The following DFFB variants were observed in gnomAD, a reference collection of about 807,000 sequenced individuals.
DFFB encodes the protein DNA fragmentation factor 40 kDa subunit.
DFFB carries 29 observed loss-of-function variants against 32.7 expected under a neutral mutation model. The ratio of observed to expected loss-of-function variants is 0.89; its 90% CI spans 0.66 to 1.21. The LOEUF (loss-of-function observed/expected upper bound fraction) is 1.21. Among genes scored for constraint, DFFB ranks in the 50% most tolerant of loss-of-function variants. The probability of loss-of-function intolerance (pLI) is 0.00; values close to 1 mark genes in which losing one functional copy is unlikely to be tolerated. For missense variants in DFFB, 398 were observed against 440.6 expected, an observed-to-expected ratio of 0.90 and a Z score of 0.87; for synonymous variants, 170 against 177.1, an observed-to-expected ratio of 0.96 and a Z score of 0.32.
intron 6 of DFFB, among the ~76,000 whole-genome samples, chr1:3,875,522 G>A (rs1335140577): frequency 2.0e-5 from 3 of 152,090 alleles, no homozygotes; most frequent in African/African-American, 4.8e-5. Flanking sequence ...ATGCTTTCCC[G>A]GGTTCTTGCT....
intron 6 of DFFB, chr1:3,872,905 G>C (rs1645149034): frequency 8.2e-7 from 1 of 1,215,074 alleles, no homozygotes; most frequent in Non-Finnish European, 1.0e-6. Flanking sequence ...GCCCTTGGCT[G>C]TCAGAGGTTC....
rs187628143 is a variant in DFFB at position 3,867,723 on chromosome 1, C to T, written c.431-251C>T. 1.9e-3 allele frequency: 858 copies of T among 448,370 alleles called. 4 individuals carry two copies. The highest frequency in any genetic ancestry group is 3.0e-3 in the Non-Finnish European group (730 of 244,518). 27.8% of individuals were successfully genotyped at this position (448,370 alleles called of 1,614,324 possible). A position where few individuals can be genotyped will look rare whatever the true frequency, so the allele number is the denominator to read the frequency against. Reference sequence around the variant, plus strand: ...AAAAAGTGAGCCAGGTGTGGTAGTGCGTCCCTGTAGTCTTAGCCACTTGGA... The same window carrying T: ...AAAAAGTGAGCCAGGTGTGGTAGTGTGTCCCTGTAGTCTTAGCCACTTGGA... On this transcript the variant is annotated intron_variant, in intron 3 of 6. Transcript: ENST00000378209.
chr1:3,878,922 G>A (rs1193529757), intron 6 of DFFB, among the ~76,000 whole-genome samples: 1 of 152,188 alleles, frequency 6.6e-6, no homozygotes, highest in Non-Finnish European at 1.5e-5. Context: ...GAGTGGCTGT[G>A]AGGGGTAAAC....
intron 4 of DFFB, 34 bp from the exon 5 acceptor site, chr1:3,869,571 C>T (rs1020436603): frequency 5.0e-6 from 8 of 1,590,098 alleles, no homozygotes; most frequent in Admixed American, 1.8e-5. Flanking sequence ...GGGCGCTGTG[C>T]ACCAGGCTCA....
At chr1:3,867,593 C>G in intron 3 of DFFB, 1 of 218,424 alleles carries the variant, frequency 4.6e-6, no homozygotes, top group Non-Finnish European at 9.3e-6. Flanking sequence ...TTGCTCACAC[C>G]TATAATCCTA....
At chr1:3,860,635 T>C (rs1324790051) in intron 2 of DFFB, 1 of 228,418 alleles carries the variant, frequency 4.4e-6, no homozygotes, top group African/African-American at 2.3e-5. Context: ...GATACAACCG[T>C]GGTACAATAT....
intron 4 of DFFB, among the ~76,000 whole-genome samples, chr1:3,868,841 C>T (rs556547927): frequency 2.0e-4 from 31 of 152,364 alleles, no homozygotes; most frequent in African/African-American, 7.0e-4. Context: ...CGGCCCACTC[C>T]TCTCTGTGGC....
chr1:3,864,572 C>A (rs10752724), intron 2 of DFFB, among the ~76,000 whole-genome samples: 1 of 152,132 alleles, frequency 6.6e-6, no homozygotes, highest in Admixed American at 6.5e-5. Flanking sequence ...CTGTTGCCCA[C>A]GTTGGAGTGC....
At chr1:3,872,630 G>GCGGCCC (rs70940336) in intron 6 of DFFB, 58 bp downstream of exon 6, 659,211 of 1,442,226 alleles carry the variant, frequency 0.46, 169,212 homozygotes, top group Non-Finnish European at 0.48. Flanking sequence ...TGTCCCTGCC[G>GCGGCCC]TGGCCCTGTC....
At chr1:3,873,380 C>G (rs1645157364) in intron 6 of DFFB, among the ~76,000 whole-genome samples, 1 of 152,174 alleles carries the variant, frequency 6.6e-6, no homozygotes, top group African/African-American at 2.4e-5. Flanking sequence ...CATCCCTAAT[C>G]TGAAAACCTG....
At chr1:3,872,606 T>G in intron 6 of DFFB, 34 bp downstream of exon 6, 1 of 1,209,420 alleles carries the variant, frequency 8.3e-7, no homozygotes, top group Non-Finnish European at 1.1e-6. Context: ...GACCCACGAG[T>G]GCCTGCAGGG....
At position 3,868,007 on chromosome 1, in the gene DFFB, A is replaced by G. The variant is rs1371235435; in HGVS notation, c.464A>G (p.Tyr155Cys). The G allele has an allele frequency of 1.9e-6, 3 of 1,614,060 alleles. No individual in the cohort carries two copies. Among genetic ancestry groups the G allele is most frequent in the African/African-American group, 1.3e-5 (1 of 75,026 alleles). Residue 155 changes from tyrosine to cysteine, a missense_variant, in exon 4 of 7, where the codon TAT becomes TGT. Transcript: ENST00000378209. ...TCCCGATTTCAGAGCAAGTCTGGCT[A>G]TCTGAGATACAGCTGTGAGAGCCGG... ...LESRFQSKSGYLRYSCESRIR... is the reference protein window; with the variant it reads ...LESRFQSKSGCLRYSCESRIR...
At chr1:3,872,115 G>A (rs1163982220) in intron 5 of DFFB, among the ~76,000 whole-genome samples, 4 of 152,178 alleles carry the variant, frequency 2.6e-5, no homozygotes, top group African/African-American at 7.2e-5. Flanking sequence ...GACTGAGACT[G>A]TATGAGACTC....
chr1:3,857,695 G>A lies in DFFB; in HGVS notation c.92G>A (p.Arg31His), dbSNP rs777002674. Reference sequence around the variant, plus strand: ...GGCCGGAGCTGCCAGGAGGTGCTGCGCAAGGGCTGTCTCCGCTTCCAGGTG... The same window carrying A: ...GGCCGGAGCTGCCAGGAGGTGCTGCACAAGGGCTGTCTCCGCTTCCAGGTG... ...VAGRSCQEVL[R>H]KGCLRFQLPE... Residue 31 changes from arginine to histidine, a missense_variant, in exon 1 of 7, where the codon CGC becomes CAC. Physicochemically the swap from Arg to His is conservative, Grantham distance 29. Transcript: ENST00000378209. The A allele has an allele frequency of 1.3e-6, 2 of 1,563,710 alleles. No individual in the cohort carries two copies. The highest frequency in any genetic ancestry group is 2.4e-5 in the East Asian group (1 of 41,466).
At chr1:3,867,172 A>T (rs975856047) in intron 3 of DFFB, among the ~76,000 whole-genome samples, 6 of 152,258 alleles carry the variant, frequency 3.9e-5, no homozygotes, top group African/African-American at 1.4e-4. Flanking sequence ...CTGGGATCAC[A>T]GGCGTGAGCC....
At chr1:3,876,304 T>C (rs77382547) in intron 6 of DFFB, among the ~76,000 whole-genome samples, 4,224 of 152,246 alleles carry the variant, frequency 0.028, 170 homozygotes, top group African/African-American at 0.096. Context: ...GGGGACACAA[T>C]CAGCATTTAC....
chr1:3,871,152 C>T (rs1189705231), intron 5 of DFFB, among the ~76,000 whole-genome samples: 1 of 151,464 alleles, frequency 6.6e-6, no homozygotes, highest in Admixed American at 6.6e-5. Context: ...GGCCTCACTT[C>T]CCATGAGGTG....
intron 6 of DFFB, among the ~76,000 whole-genome samples, chr1:3,882,666 CATTT>C (rs773756443): frequency 2.0e-5 from 3 of 152,026 alleles, no homozygotes; most frequent in Non-Finnish European, 4.4e-5. Flanking sequence ...CGCCTGGCCT[CATTT>C]GTTTCTTAAA....
At chr1:3,868,336 TC>T (rs1441157661) in intron 4 of DFFB, among the ~76,000 whole-genome samples, 2 of 151,788 alleles carry the variant, frequency 1.3e-5, no homozygotes. Flanking sequence ...TCTCCTCCTC[TC>T]CCCCCGAGGC....
Sources: allele counts gnomAD v4.1 joint callset (sites outside exome capture counted in the v4.1 genomes callset), GRCh38; gene constraint gnomAD v4.1.1; transcripts MANE v1.5; gene names NCBI Gene and HGNC (gene_info 2026-07-23, HGNC 2026-07-21).